The following LINGO2 variants were observed in gnomAD, a reference collection of about 807,000 sequenced individuals.
The protein encoded by LINGO2 is leucine rich repeat and Ig domain containing 2.
LINGO2 carries 14 observed loss-of-function variants against 30.6 expected under a neutral mutation model. The ratio of observed to expected loss-of-function variants is 0.46; its 90% CI spans 0.30 to 0.72. LINGO2 has a LOEUF of 0.72. Ranked by LOEUF, LINGO2 falls within the 30% of genes least tolerant of loss-of-function variation. The pLI, the probability that LINGO2 is intolerant of heterozygous loss-of-function variation, is 0.07. For missense variants in LINGO2, 729 were observed against 751.7 expected (o/e 0.97, Z 0.35); for synonymous variants, 317 against 288.5 (o/e 1.10, Z -1.00).
the LINGO2 span, among the ~76,000 whole-genome samples, chr9:29,151,945 G>A: frequency 6.6e-6 from 1 of 152,108 alleles, no homozygotes; most frequent in Non-Finnish European, 1.5e-5. Flanking sequence ...AAATAAAAAT[G>A]TTAATAGACC....
chr9:29,029,139 G>A, the LINGO2 span, among the ~76,000 whole-genome samples: 1 of 152,120 alleles, frequency 6.6e-6, no homozygotes, highest in African/African-American at 2.4e-5. Flanking sequence ...ACTCCTTAAA[G>A]GCTACACTAC....
intron 4 of LINGO2, among the ~76,000 whole-genome samples, chr9:28,273,259 A>T (rs1375546856): frequency 2.0e-5 from 3 of 152,350 alleles, no homozygotes; most frequent in Admixed American, 2.0e-4. Flanking sequence ...TATTGAATGC[A>T]GCCTCAATAA....
the LINGO2 span, among the ~76,000 whole-genome samples, chr9:28,702,638 T>G: frequency 1.3e-5 from 2 of 151,924 alleles, no homozygotes; most frequent in Non-Finnish European, 2.9e-5. Flanking sequence ...ATTAAGTTAA[T>G]GCTGTTGTCA....
chr9:28,686,928 C>G, the LINGO2 span, among the ~76,000 whole-genome samples: 30 of 152,100 alleles, frequency 2.0e-4, no homozygotes, highest in African/African-American at 7.2e-4. Context: ...TTTAAAAGAT[C>G]TTTCATTTCA....
the LINGO2 span, among the ~76,000 whole-genome samples, chr9:28,873,338 AT>A: frequency 6.7e-6 from 1 of 148,900 alleles, no homozygotes; most frequent in East Asian, 2.0e-4. Context: ...CCACTACACC[AT>A]TGCACTCTCT....
chr9:28,844,992 A>G, the LINGO2 span, among the ~76,000 whole-genome samples: 2 of 151,924 alleles, frequency 1.3e-5, no homozygotes, highest in Non-Finnish European at 2.9e-5. Flanking sequence ...GTAGGTACTT[A>G]TGAATCTGAG....
the LINGO2 span, among the ~76,000 whole-genome samples, chr9:29,138,750 G>C: frequency 2.0e-5 from 3 of 151,914 alleles, no homozygotes; most frequent in African/African-American, 7.3e-5. Flanking sequence ...AAATAATTCA[G>C]TATCATACGA....
the LINGO2 span, among the ~76,000 whole-genome samples, chr9:29,199,989 G>A: frequency 1.3e-5 from 2 of 151,990 alleles, no homozygotes; most frequent in Non-Finnish European, 2.9e-5. Flanking sequence ...CTATCAGAAT[G>A]CCTTAAGAAT....
At chr9:29,191,562 C>T in the LINGO2 span, among the ~76,000 whole-genome samples, 1 of 151,888 alleles carries the variant, frequency 6.6e-6, no homozygotes, top group Non-Finnish European at 1.5e-5. Flanking sequence ...TATTATTACT[C>T]TCACTGTTTT....
the LINGO2 span, among the ~76,000 whole-genome samples, chr9:28,914,231 T>C: frequency 2.0e-5 from 3 of 152,088 alleles, no homozygotes; most frequent in Non-Finnish European, 2.9e-5. Context: ...ATGTACAGGA[T>C]AAAATAAAAC....
At chr9:28,079,966 T>C (rs975001044) in intron 4 of LINGO2, among the ~76,000 whole-genome samples, 16 of 152,208 alleles carry the variant, frequency 1.1e-4, no homozygotes, top group African/African-American at 3.6e-4. Context: ...CAGGTATCAC[T>C]CTTGATATTT....
the LINGO2 span, among the ~76,000 whole-genome samples, chr9:28,964,797 G>C: frequency 6.6e-6 from 1 of 151,864 alleles, no homozygotes; most frequent in African/African-American, 2.4e-5. Context: ...GTAGTTTAGA[G>C]AACAAGATAA....
chr9:28,148,950 C>G lies in LINGO2; in HGVS notation c.-86-136545G>C. The G allele has an allele frequency of 5.2e-6, 8 of 1,534,044 alleles. No individual in the cohort carries two copies. The highest frequency in any genetic ancestry group is 7.0e-6 in the Non-Finnish European group (8 of 1,146,698). On this transcript the variant is annotated intron_variant, in intron 4 of 5. Coordinates refer to ENST00000379992, the Ensembl canonical transcript of LINGO2. The surrounding 1 kb of genome is among the most constrained non-coding windows in gnomAD (Gnocchi z 5.1). ...CCACACAGAGCTGCCGGCCACAGTT[C>G]CCACAAAAGAAAACTGTCGGGGCCA...
intron 1 of LINGO2, among the ~76,000 whole-genome samples, chr9:28,563,062 G>C (rs868532572): frequency 5.9e-5 from 9 of 152,060 alleles, no homozygotes; most frequent in African/African-American, 2.2e-4. Flanking sequence ...GGCCGGGCTG[G>C]TCTCAAATTC....
intron 4 of LINGO2, among the ~76,000 whole-genome samples, chr9:28,253,602 A>G (rs949124921): frequency 3.9e-5 from 6 of 152,158 alleles, no homozygotes; most frequent in Non-Finnish European, 8.8e-5. Flanking sequence ...GTTAAATGAA[A>G]AAAAGTCTTT....
chr9:28,320,694 A>G (rs1313045596), intron 3 of LINGO2, among the ~76,000 whole-genome samples: 1 of 152,156 alleles, frequency 6.6e-6, no homozygotes, highest in Non-Finnish European at 1.5e-5. Flanking sequence ...ATCGCTCTCT[A>G]TGAATGGCAG....
chr9:28,552,875 T>G (rs943762785), intron 1 of LINGO2, among the ~76,000 whole-genome samples: 1 of 151,212 alleles, frequency 6.6e-6, no homozygotes, highest in Non-Finnish European at 1.5e-5. Context: ...ACTATCTTAG[T>G]TTCCAACATT....
At chr9:28,381,435 C>G (rs1242552599) in intron 2 of LINGO2, among the ~76,000 whole-genome samples, 1 of 151,958 alleles carries the variant, frequency 6.6e-6, no homozygotes, top group East Asian at 1.9e-4. Context: ...TAAAAGATCT[C>G]AGGAATCACA....
intron 1 of LINGO2, among the ~76,000 whole-genome samples, chr9:28,654,227 A>C (rs1210365207): frequency 6.6e-6 from 1 of 152,140 alleles, no homozygotes; most frequent in African/African-American, 2.4e-5. Context: ...GCTTTGAACT[A>C]ACAAATTATC....
Sources: allele counts gnomAD v4.1 joint callset (sites outside exome capture counted in the v4.1 genomes callset), GRCh38; gene constraint gnomAD v4.1.1; non-coding constraint Gnocchi (gnomAD v3.1); transcripts MANE v1.5; gene names NCBI Gene and HGNC (gene_info 2026-07-23, HGNC 2026-07-21).